CDKAL1: variants seen among roughly 807,000 people sequenced by gnomAD.
CDKAL1 encodes threonylcarbamoyladenosine tRNA methylthiotransferase.
Under a neutral mutation model 68.2 loss-of-function variants are expected in CDKAL1, and 32 were observed. The ratio of observed to expected loss-of-function variants is 0.47; its 90% confidence interval spans 0.35 to 0.63. CDKAL1 has a LOEUF of 0.63. Ranked by LOEUF, CDKAL1 falls within the 30% of genes least tolerant of loss-of-function variation. The pLI is 0.00. For synonymous variants in CDKAL1, 234 were observed against 244.3 expected (o/e 0.96, Z 0.39); for missense variants, 606 against 696.7 (o/e 0.87, Z 1.47).
chr6:20,695,367 C>T (rs920883856), intron 5 of CDKAL1, among the ~76,000 whole-genome samples: 1 of 152,152 alleles, frequency 6.6e-6, no homozygotes, highest in African/African-American at 2.4e-5. Flanking sequence ...CTTTTTGTTA[C>T]ACTCAGGGGA....
chr6:20,756,942 CTCCTTCCTTCCT>C (rs1289585012), intron 6 of CDKAL1, among the ~76,000 whole-genome samples: 1 of 124,692 alleles, frequency 8.0e-6, no homozygotes, highest in Non-Finnish European at 1.6e-5. Context: ...CCTTCCTTCC[CTCCTTCCTTCCT>C]TCCTTTCCTT....
intron 9 of CDKAL1, among the ~76,000 whole-genome samples, chr6:20,917,395 T>C (rs962512667): frequency 5.3e-5 from 8 of 152,206 alleles, no homozygotes; most frequent in African/African-American, 1.9e-4. Context: ...GTAGAAGCAA[T>C]ACAATCAGAT....
At chr6:21,099,133 C>A (rs995587342) in intron 12 of CDKAL1, among the ~76,000 whole-genome samples, 9 of 152,238 alleles carry the variant, frequency 5.9e-5, no homozygotes, top group African/African-American at 1.9e-4. Flanking sequence ...GCACTGGAAC[C>A]CACACCTCAG....
At chr6:20,873,500 C>T (rs1397436688) in intron 9 of CDKAL1, among the ~76,000 whole-genome samples, 1 of 152,082 alleles carries the variant, frequency 6.6e-6, no homozygotes, top group South Asian at 2.1e-4. Flanking sequence ...ATGTAATTTT[C>T]CTATTTTACA....
Position 21,231,062 on chromosome 6 carries a change from A to T in CDKAL1, c.*23A>T. On this transcript the variant is annotated 3_prime_UTR_variant, in exon 16 of 16. Transcript: ENST00000274695. ...TAGAATACAACTAATGGAAACATCT[A>T]TAAAGAAGAATACATTTCTAATTAA... The T allele has an allele frequency of 6.6e-7, 1 of 1,507,862 alleles. No individual in the cohort carries two copies. The allele number at this position is 1,507,862 out of a possible 1,614,324, so 93.4% of individuals were successfully genotyped here.
chr6:21,163,157 T>C (rs1776995295), intron 13 of CDKAL1, among the ~76,000 whole-genome samples: 1 of 152,138 alleles, frequency 6.6e-6, no homozygotes, highest in African/African-American at 2.4e-5. Flanking sequence ...CAAATGCCCG[T>C]TTTGCCTCCT....
At chr6:20,666,576 A>G (rs981220222) in intron 5 of CDKAL1, among the ~76,000 whole-genome samples, 1 of 151,860 alleles carries the variant, frequency 6.6e-6, no homozygotes, top group Non-Finnish European at 1.5e-5. Flanking sequence ...ATTCTTCTTT[A>G]TGGGCACATA....
intron 9 of CDKAL1, among the ~76,000 whole-genome samples, chr6:20,891,231 T>A (rs1188691744): frequency 6.6e-6 from 1 of 152,200 alleles, no homozygotes; most frequent in Non-Finnish European, 1.5e-5. Context: ...TGAGGTGTAA[T>A]CATGGCCCAG....
chr6:20,699,361 T>G (rs1311042612), intron 5 of CDKAL1, among the ~76,000 whole-genome samples: 4 of 151,622 alleles, frequency 2.6e-5, no homozygotes, highest in Non-Finnish European at 5.9e-5. Context: ...TGTAGCATTA[T>G]CATCTTTTTT....
intron 12 of CDKAL1, among the ~76,000 whole-genome samples, chr6:21,065,711 CAATTT>C (rs972113080): frequency 4.8e-5 from 7 of 145,760 alleles, no homozygotes; most frequent in African/African-American, 1.5e-4. Flanking sequence ...CAACGAGCCT[CAATTT>C]AATTTTATCC....
intron 15 of CDKAL1, among the ~76,000 whole-genome samples, chr6:21,224,352 C>A (rs1403906347): frequency 6.6e-6 from 1 of 152,140 alleles, no homozygotes; most frequent in Non-Finnish European, 1.5e-5. Flanking sequence ...TATGGTGAAA[C>A]CCCATCTCTA....
intron 10 of CDKAL1, among the ~76,000 whole-genome samples, chr6:20,957,209 C>A (rs549040895): frequency 6.6e-6 from 1 of 152,048 alleles, no homozygotes; most frequent in East Asian, 1.9e-4. Context: ...GATCAGGGAT[C>A]CAGGGACCCA....
At chr6:21,191,717 C>G (rs1334833170) in intron 13 of CDKAL1, among the ~76,000 whole-genome samples, 1 of 149,884 alleles carries the variant, frequency 6.7e-6, no homozygotes, top group African/African-American at 2.5e-5. Context: ...CTTTGTCTGT[C>G]TAGGGGAATA....
At chr6:21,003,796 T>C (rs1431107609) in intron 11 of CDKAL1, among the ~76,000 whole-genome samples, 3 of 152,114 alleles carry the variant, frequency 2.0e-5, no homozygotes, top group Admixed American at 6.5e-5. Context: ...GTATTTTCAC[T>C]CTTGGAGGGG....
chr6:20,822,126 G>A (rs1157365068), intron 8 of CDKAL1, among the ~76,000 whole-genome samples: 1 of 152,136 alleles, frequency 6.6e-6, no homozygotes, highest in Non-Finnish European at 1.5e-5. Context: ...AATATTTACT[G>A]TCTGGCTCTT....
chr6:20,944,683 G>A (rs1383841526), intron 9 of CDKAL1, among the ~76,000 whole-genome samples: 2 of 152,220 alleles, frequency 1.3e-5, no homozygotes, highest in African/African-American at 4.8e-5. Context: ...TACGGTCAGA[G>A]TCAACAGTTT....
intron 10 of CDKAL1, among the ~76,000 whole-genome samples, chr6:20,997,865 G>T (rs1353638762): frequency 6.6e-6 from 1 of 151,884 alleles, no homozygotes; most frequent in Non-Finnish European, 1.5e-5. Flanking sequence ...TTGTGATACA[G>T]GGAACTTAAA....
intron 10 of CDKAL1, among the ~76,000 whole-genome samples, chr6:20,991,568 A>G (rs1224295058): frequency 1.3e-5 from 2 of 151,900 alleles, no homozygotes; most frequent in African/African-American, 4.8e-5. Context: ...TTAGCCAGGC[A>G]TGGTGGCGGG....
intron 11 of CDKAL1, among the ~76,000 whole-genome samples, chr6:21,054,015 G>T (rs964049373): frequency 2.0e-5 from 3 of 152,076 alleles, no homozygotes; most frequent in African/African-American, 4.8e-5. Context: ...CTATCGCTAA[G>T]AAATCTTTGC....
Sources: allele counts gnomAD v4.1 joint callset (sites outside exome capture counted in the v4.1 genomes callset), GRCh38; gene constraint gnomAD v4.1.1; transcripts MANE v1.5; gene names NCBI Gene and HGNC (gene_info 2026-07-23, HGNC 2026-07-21).